TPO: variants seen among roughly 807,000 people sequenced by gnomAD.
The protein encoded by TPO is thyroid peroxidase, also known as thyroid microsomal antigen.
Under a neutral mutation model 96.9 loss-of-function variants are expected in TPO, and 78 were observed. The ratio of observed to expected loss-of-function variants is 0.81; its 90% CI spans 0.67 to 0.97. The LOEUF is 0.97. TPO is among the 50% of genes least tolerant of loss of function. TPO has a pLI of 0.00. For synonymous variants in TPO, 547 were observed against 538.0 expected, an observed-to-expected ratio of 1.02 and a Z score of -0.23; for missense variants, 1,252 against 1,274.8, an observed-to-expected ratio of 0.98 and a Z score of 0.27.
rs1326472802 is a variant in TPO, at chr2:1,543,632, T to A, written c.*1158T>A. 6.6e-6 allele frequency: 1 copy of A among 152,196 alleles called. No individual in the cohort carries two copies. Among genetic ancestry groups the A allele is most frequent in the Non-Finnish European group, 1.5e-5 (1 of 68,014 alleles). 9.4% of individuals were successfully genotyped at this position (152,196 alleles called of 1,614,324 possible). The stretch of plus-strand genomic sequence containing the variant: ...TCCCAAACTCTTAGTTTTGTTCATG[T>A]AAAACTCATGATTTCATAATTAAAA... On this transcript the variant is annotated 3_prime_UTR_variant, in exon 17 of 17. Transcript: ENST00000329066.
chr2:1,425,388 C>T (rs868838797), intron 3 of TPO, among the ~76,000 whole-genome samples: 2 of 142,008 alleles, frequency 1.4e-5, no homozygotes, highest in Admixed American at 7.3e-5. Flanking sequence ...TACAGAGATG[C>T]GTTAGATCAT....
intron 7 of TPO, among the ~76,000 whole-genome samples, chr2:1,475,725 T>A (rs1398116945): frequency 1.3e-5 from 2 of 152,240 alleles, no homozygotes; most frequent in Non-Finnish European, 2.9e-5. Context: ...GTGCTGGGAT[T>A]ACAGGCGTGA....
chr2:1,494,372 A>C (rs10205811), intron 11 of TPO, among the ~76,000 whole-genome samples: 13,267 of 152,290 alleles, frequency 0.087, 934 homozygotes, highest in African/African-American at 0.19. Flanking sequence ...CTCACGTCCC[A>C]TGACAATGCC....
intron 10 of TPO, among the ~76,000 whole-genome samples, chr2:1,488,809 C>A (rs78882362): frequency 8.5e-5 from 13 of 152,192 alleles, no homozygotes; most frequent in Non-Finnish European, 1.9e-4. Flanking sequence ...CTGGCCCTTC[C>A]CCCATCCCTG....
intron 4 of TPO, among the ~76,000 whole-genome samples, 179 bp downstream of exon 4, chr2:1,433,786 A>G (rs1029011967): frequency 1.3e-5 from 2 of 152,208 alleles, no homozygotes; most frequent in African/African-American, 4.8e-5. Flanking sequence ...AACAGTCTCA[A>G]TATCTTATTT....
chr2:1,500,971 C>CAAA (rs1234875187), intron 13 of TPO, among the ~76,000 whole-genome samples: 15 of 110,462 alleles, frequency 1.4e-4, no homozygotes, highest in South Asian at 3.0e-4. Context: ...GACTCCCTCT[C>CAAA]AAAAAAAAAA....
At chr2:1,500,495 A>T (rs1672765518) in intron 13 of TPO, among the ~76,000 whole-genome samples, 1 of 152,232 alleles carries the variant, frequency 6.6e-6, no homozygotes. Flanking sequence ...TTTATGGTAA[A>T]TTGATAAGAA....
chr2:1,493,756 A>AAGTTCAG, intron 10 of TPO, 46 bp from the exon 11 acceptor site: 2 of 1,607,930 alleles, frequency 1.2e-6, no homozygotes, highest in Non-Finnish European at 8.5e-7. Flanking sequence ...GGCTGAACAA[A>AAGTTCAG]AGTTCAGTTC....
chr2:1,526,227 G>A (rs1395317409), intron 15 of TPO, among the ~76,000 whole-genome samples: 1 of 60,858 alleles, frequency 1.6e-5, no homozygotes, highest in Admixed American at 2.6e-4. Flanking sequence ...TCCCCCCGAT[G>A]TGTGCAACAC....
In TPO at chr2:1,477,376, C is replaced by T. The variant is rs1190155346; in HGVS notation, c.1110C>T (p.Arg370=). ...CCTACCTGCCCTTCGTGCCGCCACG[C>T]GCGCCTGCGGCCTGTGCGCCCGAGC... ...GRAYLPFVPP[R]APAACAPEPG... Residue 370 remains arginine (R), a synonymous_variant, in exon 8 of 17, where the codon CGC becomes CGT. Coordinates refer to ENST00000329066, the MANE Select transcript of TPO (RefSeq NM_001206744.2). The T allele has an allele frequency of 3.9e-6, 6 of 1,532,620 alleles. No individual in the cohort carries two copies. Among genetic ancestry groups the T allele is most frequent in the South Asian group, 3.6e-5 (3 of 83,256 alleles). 94.9% of individuals were successfully genotyped at this position (1,532,620 alleles called of 1,614,324 possible). A position where few individuals can be genotyped will look rare whatever the true frequency, so the allele number is the denominator to read the frequency against.
rs1670976859 is a variant in TPO at position 1,484,834 on chromosome 2, C to G, written c.1577C>G (p.Pro526Arg). 6.2e-7 allele frequency: 1 copy of G among 1,613,978 alleles called. No homozygotes were observed. Among genetic ancestry groups the G allele is most frequent in the Non-Finnish European group, 8.5e-7 (1 of 1,180,052 alleles). Residue 526 changes from proline to arginine, a missense_variant, in exon 9 of 17, where the codon CCA (proline) becomes CGA (arginine). Transcript: ENST00000329066. The part of the protein sequence containing the change: ...GLWLHQAFFS[P>R]WTLLRGGGLD... ...TGGCTGCACCAGGCTTTCTTCAGCC[C>G]ATGGACATTACTCCGTGGAGGTGAG...
chr2:1,524,269 TCTC>T (rs1356981000), intron 15 of TPO, among the ~76,000 whole-genome samples: 51 of 117,854 alleles, frequency 4.3e-4, no homozygotes, highest in Admixed American at 2.7e-3. Context: ...CCTCCTCAAA[TCTC>T]CTCACAGTGA....
At chr2:1,477,716 T>C (rs1297969180) in intron 8 of TPO, 112 bp downstream of exon 8, 2 of 1,383,124 alleles carry the variant, frequency 1.4e-6, no homozygotes, top group Non-Finnish European at 1.9e-6. Flanking sequence ...ACAGCCATCA[T>C]GGGCGCCCAC....
At chr2:1,539,673 GTT>G (rs1402435848) in intron 15 of TPO, among the ~76,000 whole-genome samples, 1 of 152,080 alleles carries the variant, frequency 6.6e-6, no homozygotes, top group African/African-American at 2.4e-5. Flanking sequence ...CTCGGGAGTT[GTT>G]TGTTTGTAGG....
chr2:1,521,760 C>A (rs931405710), intron 15 of TPO, among the ~76,000 whole-genome samples: 1 of 151,978 alleles, frequency 6.6e-6, no homozygotes, highest in Non-Finnish European at 1.5e-5. Context: ...GGCACTCAGG[C>A]CCCAGAGGAC....
intron 7 of TPO, among the ~76,000 whole-genome samples, chr2:1,475,747 CG>C (rs1333213674): frequency 2.0e-5 from 3 of 152,216 alleles, no homozygotes; most frequent in Non-Finnish European, 2.9e-5. Flanking sequence ...CCCCCGCGCC[CG>C]GCCGGAAGCG....
rs558766260 is a variant in TPO at position 1,500,793 on chromosome 2, C to T, written c.2387-3155C>T. The stretch of plus-strand genomic sequence containing the variant: ...CAGCCTGGCCAAGATGGTGAAACCC[C>T]GTCTCTACTAAAAATACAAAGAAGA... On this transcript the variant is annotated intron_variant, in intron 13 of 16. Coordinates refer to ENST00000329066, the MANE Select transcript of TPO (RefSeq NM_001206744.2). 6.6e-5 allele frequency among the ~76,000 whole-genome samples: 10 copies of T among 151,948 alleles called. No homozygotes were observed. In the South Asian group the frequency reaches 1.9e-3, roughly 28 times the overall value.
Position 1,383,822 on chromosome 2 carries a change from CCTAGGTTTTCTT to C in TPO, n.180+9439_180+9450del, listed in dbSNP as rs1042556974. ...CATGCCTATGTCCTGAATGGTATTG[CCTAGGTTTTCTT>C]CTAGGTTTTCTTCTAGGTCTAACAT... is the stretch of plus-strand genomic sequence containing the variant. On this transcript the variant is annotated intron_variant and non_coding_transcript_variant, in intron 1 of 5. Transcript: ENST00000497517. Among the ~76,000 whole-genome samples, 123 of 152,222 alleles carry C rather than the reference CCTAGGTTTTCTT, an allele frequency of 8.1e-4. 1 individual carries two copies. Among genetic ancestry groups the C allele is most frequent in the African/African-American group, 2.3e-3 (97 of 41,532 alleles).
chr2:1,421,270 CTG>C (rs2148428422), intron 2 of TPO, among the ~76,000 whole-genome samples: 1 of 152,338 alleles, frequency 6.6e-6, no homozygotes, highest in Non-Finnish European at 1.5e-5. Flanking sequence ...AGACGTAACT[CTG>C]TGCACTTGCC....
Sources: gnomAD v4.1 joint callset for allele counts (sites outside exome capture counted in the v4.1 genomes callset) on GRCh38, gnomAD v4.1.1 for gene constraint, MANE v1.5 for transcripts, NCBI Gene and HGNC (gene_info 2026-07-23, HGNC 2026-07-21) for gene names.